The following ZNF385B variants were observed in gnomAD, a reference collection of about 807,000 sequenced individuals.
The protein encoded by ZNF385B is zinc finger protein 533.
A neutral mutation model predicts 39.2 loss-of-function variants in ZNF385B; 23 were observed. The observed-to-expected ratio is 0.59, with a 90% CI of 0.42 to 0.83. The LOEUF is 0.83. Among genes scored for constraint, ZNF385B ranks in the 40% least tolerant of loss-of-function variants. ZNF385B has a pLI of 0.00. For synonymous variants in ZNF385B, 205 were observed against 222.6 expected, an observed-to-expected ratio of 0.92 and a Z score of 0.70; for missense variants, 552 against 598.9, an observed-to-expected ratio of 0.92 and a Z score of 0.82.
At chr2:179,806,027 C>A (rs192273432) in intron 1 of ZNF385B, among the ~76,000 whole-genome samples, 1 of 151,988 alleles carries the variant, frequency 6.6e-6, no homozygotes, top group Non-Finnish European at 1.5e-5. Context: ...ATATCTTAAA[C>A]CTGATGAAAA....
chr2:179,503,351 C>T (rs10170816), intron 5 of ZNF385B, among the ~76,000 whole-genome samples: 2,875 of 152,216 alleles, frequency 0.019, 88 homozygotes, highest in African/African-American at 0.065. Flanking sequence ...TACAATTTGC[C>T]TACACCTGAA....
rs563381481 is a variant in ZNF385B at position 179,541,410 on chromosome 2, T to C, written c.441+3417A>G. On this transcript the variant is annotated intron_variant, in intron 4 of 9. Transcript: ENST00000410066. The stretch of plus-strand genomic sequence containing the variant: ...GTTTATCATATAATGTTATCATACT[T>C]CACTATAAGAAAGAGGAAAACATTA... Among the ~76,000 whole-genome samples the C allele has an allele frequency of 5.3e-5, 8 of 152,298 alleles. No individual in the cohort carries two copies. The South Asian group carries it at 1.7e-3, about 32-fold the overall frequency.
chr2:179,457,005 T>C (rs1445642503), intron 6 of ZNF385B, among the ~76,000 whole-genome samples: 1 of 152,150 alleles, frequency 6.6e-6, no homozygotes, highest in Non-Finnish European at 1.5e-5. Flanking sequence ...CCTGATGATA[T>C]AGAGTGTTTT....
chr2:179,756,954 C>G (rs1326010210), intron 3 of ZNF385B, among the ~76,000 whole-genome samples: 1 of 152,176 alleles, frequency 6.6e-6, no homozygotes, highest in African/African-American at 2.4e-5. Flanking sequence ...AAGCCTTTTT[C>G]TCTCAACTCA....
intron 3 of ZNF385B, among the ~76,000 whole-genome samples, chr2:179,578,984 A>G (rs1686174692): frequency 6.6e-6 from 1 of 152,106 alleles, no homozygotes; most frequent in African/African-American, 2.4e-5. Flanking sequence ...AGAATCAGGA[A>G]TGATGTGCAA....
chr2:179,733,477 T>C (rs184067770), intron 3 of ZNF385B, among the ~76,000 whole-genome samples: 57 of 152,320 alleles, frequency 3.7e-4, no homozygotes, highest in African/African-American at 1.3e-3. Flanking sequence ...AAGTGAGCCA[T>C]GTGTATGTTA....
rs140342177 is a variant in ZNF385B, at chr2:179,679,720, A to C, written c.298+89783T>G. 5.9e-5 allele frequency among the ~76,000 whole-genome samples: 9 copies of C among 152,240 alleles called. No homozygotes were observed. The East Asian group carries it at 1.5e-3, about 26-fold the overall frequency. ...CATGGCGGGGTCACTAAGTCAGGTG[A>C]ATCACCTCCCACCCCTAAAGATTCC... On this transcript the variant is annotated intron_variant, in intron 3 of 9. Transcript: ENST00000410066.
chr2:179,478,058 G>T (rs1319081245), intron 6 of ZNF385B, among the ~76,000 whole-genome samples: 1 of 152,128 alleles, frequency 6.6e-6, no homozygotes, highest in Non-Finnish European at 1.5e-5. Flanking sequence ...GAAGTAATTG[G>T]AATAATGAAA....
Position 179,445,689 on chromosome 2 carries a change from G to C in ZNF385B, c.1001C>G (p.Ala334Gly), listed in dbSNP as rs780460956. 3.1e-6 allele frequency: 5 copies of C among 1,613,020 alleles called. No homozygotes were observed. The South Asian group carries it at 5.5e-5, about 18-fold the overall frequency. The change falls in exon 8 of 10, where the codon GCT becomes GGT. Residue 334 changes from alanine (A) to glycine (G), a missense_variant. Coordinates refer to ENST00000410066, the MANE Select transcript of ZNF385B (RefSeq NM_152520.6). ...TCTAGGATAGGATTTAATTGGACCA[G>C]CCCCATTACGAGCTTCAACCATGGT... Reference protein sequence around the residue: ...HKTMVEARNGAGPIKSYPRPG... With the variant: ...HKTMVEARNGGGPIKSYPRPG...
intron 3 of ZNF385B, among the ~76,000 whole-genome samples, chr2:179,768,886 C>A (rs567946391): frequency 1.3e-5 from 2 of 152,312 alleles, no homozygotes; most frequent in African/African-American, 4.8e-5. Context: ...TCTATCCAGC[C>A]CACAAGGAAA....
chr2:179,627,664 G>GGAGTATT (rs1690786531), intron 3 of ZNF385B, among the ~76,000 whole-genome samples: 1 of 152,102 alleles, frequency 6.6e-6, no homozygotes, highest in Non-Finnish European at 1.5e-5. Flanking sequence ...AGCCTTGGTG[G>GGAGTATT]GAGTATTCAC....
At chr2:179,446,442 G>T (rs958990306) in intron 7 of ZNF385B, 83 bp downstream of exon 7, 3 of 1,520,406 alleles carry the variant, frequency 2.0e-6, no homozygotes, top group Admixed American at 4.1e-5. Flanking sequence ...CCTAAGGTCT[G>T]AACAACAAAA....
intron 3 of ZNF385B, among the ~76,000 whole-genome samples, chr2:179,615,850 T>C (rs1262127345): frequency 6.6e-6 from 1 of 152,216 alleles, no homozygotes; most frequent in Admixed American, 6.5e-5. Flanking sequence ...GTACAGCACA[T>C]GTTAGTTACC....
intron 6 of ZNF385B, among the ~76,000 whole-genome samples, chr2:179,475,070 T>C (rs1343509153): frequency 6.6e-6 from 1 of 152,110 alleles, no homozygotes; most frequent in African/African-American, 2.4e-5. Context: ...TGTTGTACAA[T>C]ATGGTAGCCA....
At chr2:179,817,847 C>G (rs1401463943) in intron 1 of ZNF385B, among the ~76,000 whole-genome samples, 1 of 152,008 alleles carries the variant, frequency 6.6e-6, no homozygotes, top group East Asian at 1.9e-4. Context: ...GTGTGTCAAT[C>G]TGAGAAAGAG....
At chr2:179,490,430 T>C (rs554765077) in intron 5 of ZNF385B, among the ~76,000 whole-genome samples, 2 of 152,246 alleles carry the variant, frequency 1.3e-5, no homozygotes, top group African/African-American at 4.8e-5. Flanking sequence ...TTGAAATTAA[T>C]TTTTCAAATG....
intron 3 of ZNF385B, among the ~76,000 whole-genome samples, chr2:179,548,528 T>C (rs1196560338): frequency 6.7e-6 from 1 of 149,716 alleles, no homozygotes; most frequent in Non-Finnish European, 1.5e-5. Flanking sequence ...AGAGTTGTTA[T>C]ATTATTCCAT....
At chr2:179,497,982 G>A (rs76803158) in intron 5 of ZNF385B, among the ~76,000 whole-genome samples, 2 of 152,032 alleles carry the variant, frequency 1.3e-5, no homozygotes, top group Non-Finnish European at 2.9e-5. Flanking sequence ...TCACTATATA[G>A]TGATAAAGGG....
At chr2:179,499,031 C>T (rs994992511) in intron 5 of ZNF385B, among the ~76,000 whole-genome samples, 4 of 151,732 alleles carry the variant, frequency 2.6e-5, no homozygotes, top group Non-Finnish European at 5.9e-5. Flanking sequence ...TTAGTGGCTA[C>T]TATAAGAAAC....
Sources: allele counts gnomAD v4.1 joint callset (sites outside exome capture counted in the v4.1 genomes callset), GRCh38; gene constraint gnomAD v4.1.1; transcripts MANE v1.5; gene names NCBI Gene and HGNC (gene_info 2026-07-23, HGNC 2026-07-21).